The following ATP10A variants were observed in gnomAD, a reference collection of about 807,000 sequenced individuals.
The protein encoded by ATP10A is phospholipid-transporting ATPase VA.
In ATP10A, 111 loss-of-function variants were observed where a neutral mutation model predicts 147.8. The ratio of observed to expected loss-of-function variants is 0.75; its 90% CI spans 0.64 to 0.88. The LOEUF (loss-of-function observed/expected upper bound fraction) is 0.88, where lower values mean the gene tolerates loss of function less well. ATP10A is among the 40% of genes least tolerant of loss of function. ATP10A has a pLI of 0.00. For synonymous variants in ATP10A, 875 were observed against 841.6 expected, an observed-to-expected ratio of 1.04 and a Z score of -0.69; for missense variants, 1,927 against 1,959.0, an observed-to-expected ratio of 0.98 and a Z score of 0.31.
At chr15:25,731,238 C>T (rs1208195704) in intron 3 of ATP10A, among the ~76,000 whole-genome samples, 1 of 152,206 alleles carries the variant, frequency 6.6e-6, no homozygotes, top group African/African-American at 2.4e-5. Context: ...CAAAGGAGAA[C>T]AGGGTTGGCT....
At chr15:25,682,989 T>G (rs941008389) in intron 17 of ATP10A, among the ~76,000 whole-genome samples, 1 of 152,144 alleles carries the variant, frequency 6.6e-6, no homozygotes, top group African/African-American at 2.4e-5. Context: ...TTTTCTTCCT[T>G]GCTTTAGAAA....
At chr15:25,819,456 C>T (rs567883540) in intron 1 of ATP10A, among the ~76,000 whole-genome samples, 16 of 152,104 alleles carry the variant, frequency 1.1e-4, no homozygotes, top group African/African-American at 1.7e-4. Context: ...GAAAAGGGAA[C>T]GCTTAAACAC....
chr15:25,851,288 TG>T (rs1206467434), intron 1 of ATP10A, among the ~76,000 whole-genome samples: 13 of 152,036 alleles, frequency 8.6e-5, no homozygotes, highest in African/African-American at 3.1e-4. Context: ...AAGACTTGCA[TG>T]GAGGGCTCTG....
chr15:25,780,687 A>G (rs964861258), intron 2 of ATP10A, among the ~76,000 whole-genome samples: 1 of 152,240 alleles, frequency 6.6e-6, no homozygotes, highest in Non-Finnish European at 1.5e-5. Flanking sequence ...GTTGCCATTT[A>G]GTAAACCAGT....
chr15:25,726,087 CG>C lies in ATP10A; in HGVS notation c.848-6del. 1 of 1,612,846 alleles carries C rather than the reference CG, an allele frequency of 6.2e-7. No individual in the cohort carries two copies. On this transcript the variant is annotated splice_polypyrimidine_tract_variant and splice_region_variant and intron_variant, in intron 4 of 20. Coordinates refer to ENST00000555815, the MANE Select transcript of ATP10A (RefSeq NM_024490.4). ...GCAGAGCCTTGGTTTCATGTCCTGT[CG>C]GGGAGGACAAAGAGACATGGCAAGT...
chr15:25,817,357 G>A (rs1322425156), intron 1 of ATP10A, among the ~76,000 whole-genome samples: 2 of 152,146 alleles, frequency 1.3e-5, no homozygotes, highest in Admixed American at 6.6e-5. Context: ...TGCTGGGATT[G>A]CAGGCGTGAG....
At chr15:25,842,714 A>T (rs1892860199) in intron 1 of ATP10A, among the ~76,000 whole-genome samples, 1 of 152,086 alleles carries the variant, frequency 6.6e-6, no homozygotes, top group South Asian at 2.1e-4. Flanking sequence ...TTGACTCCAT[A>T]ATCAAGCAGA....
chr15:25,674,352 A>G (rs942996404), downstream of ATP10A, among the ~76,000 whole-genome samples: 1 of 152,226 alleles, frequency 6.6e-6, no homozygotes, highest in African/African-American at 2.4e-5. Context: ...AAGGAGATTC[A>G]GGATGAGAAA....
chr15:25,742,637 C>T (rs956599216), intron 2 of ATP10A, among the ~76,000 whole-genome samples: 1 of 152,182 alleles, frequency 6.6e-6, no homozygotes, highest in Non-Finnish European at 1.5e-5. Flanking sequence ...CCAAACGCTC[C>T]ATGCTGTTTC....
At chr15:25,707,739 A>G (rs952174758) in intron 12 of ATP10A, among the ~76,000 whole-genome samples, 1 of 152,200 alleles carries the variant, frequency 6.6e-6, no homozygotes, top group African/African-American at 2.4e-5. Context: ...GTTAAGGGGA[A>G]GCGTGGCAGC....
chr15:25,712,132 A>G (rs1901463266), intron 10 of ATP10A, among the ~76,000 whole-genome samples: 1 of 152,206 alleles, frequency 6.6e-6, no homozygotes, highest in South Asian at 2.1e-4. Context: ...AATTCATTCA[A>G]TTGAAAGGCA....
At chr15:25,704,370 C>A (rs963295512) in intron 12 of ATP10A, among the ~76,000 whole-genome samples, 4 of 152,224 alleles carry the variant, frequency 2.6e-5, no homozygotes, top group African/African-American at 9.6e-5. Flanking sequence ...CCACTCTTCT[C>A]TAAATGGCAA....
At chr15:25,839,439 T>A (rs1892718957) in intron 1 of ATP10A, among the ~76,000 whole-genome samples, 1 of 152,158 alleles carries the variant, frequency 6.6e-6, no homozygotes, top group Non-Finnish European at 1.5e-5. Flanking sequence ...AAGTTACTCA[T>A]AAATCTTAAT....
intron 1 of ATP10A, among the ~76,000 whole-genome samples, chr15:25,811,899 C>A (rs1235633843): frequency 6.6e-6 from 1 of 152,220 alleles, no homozygotes; most frequent in East Asian, 1.9e-4. Context: ...ACACAGCTCA[C>A]ACCCACCCCG....
intron 12 of ATP10A, among the ~76,000 whole-genome samples, chr15:25,707,179 T>C (rs1361215331): frequency 6.6e-6 from 1 of 152,238 alleles, no homozygotes; most frequent in African/African-American, 2.4e-5. Context: ...TAACTATGTA[T>C]TATACTAGAA....
upstream of ATP10A, among the ~76,000 whole-genome samples, chr15:25,864,519 G>A (rs1204293992): frequency 1.3e-5 from 2 of 152,120 alleles, no homozygotes; most frequent in Non-Finnish European, 2.9e-5. Context: ...TGGCTTACCC[G>A]GCTCCAGTTA....
At chr15:25,785,227 G>A (rs1378145690) in intron 1 of ATP10A, among the ~76,000 whole-genome samples, 3 of 152,140 alleles carry the variant, frequency 2.0e-5, no homozygotes, top group Admixed American at 1.3e-4. Flanking sequence ...TATTTGGAGA[G>A]AGAGGCTCTA....
At chr15:25,743,647 C>T (rs1280789921) in intron 2 of ATP10A, among the ~76,000 whole-genome samples, 1 of 152,162 alleles carries the variant, frequency 6.6e-6, no homozygotes, top group African/African-American at 2.4e-5. Context: ...CAAATGAACA[C>T]AAATGTGGTT....
In ATP10A at chr15:25,681,068, G is replaced by T; in HGVS notation, c.3499C>A (p.Arg1167=). 1 of 1,613,304 alleles carries T rather than the reference G, an allele frequency of 6.2e-7. No homozygotes were observed. Among genetic ancestry groups the T allele is most frequent in the South Asian group, 1.1e-5 (1 of 90,990 alleles). ...YKSGQNMEEY[R]PRTFWFNMAD... Reference sequence around the variant, plus strand: ...ATGTTAAACCAGAACGTTCGTGGCCGGTATTCCTGGGACACAAAAACAATC... The same window carrying T: ...ATGTTAAACCAGAACGTTCGTGGCCTGTATTCCTGGGACACAAAAACAATC... Residue 1167 remains arginine (R), a synonymous_variant, in exon 18 of 21, where the codon CGG becomes AGG. Coordinates refer to ENST00000555815, the MANE Select transcript of ATP10A (RefSeq NM_024490.4).
Sources: allele counts gnomAD v4.1 joint callset (sites outside exome capture counted in the v4.1 genomes callset), GRCh38; gene constraint gnomAD v4.1.1; transcripts MANE v1.5; gene names NCBI Gene and HGNC (gene_info 2026-07-23, HGNC 2026-07-21).